The following KHDRBS2 variants were observed in gnomAD, a reference collection of about 807,000 sequenced individuals.
KHDRBS2 encodes the protein KH RNA binding domain containing, signal transduction associated 2, also known as KH domain-containing, RNA-binding, signal transduction-associated protein 2.
In KHDRBS2, 26 loss-of-function variants were observed where a neutral mutation model predicts 44.3. The observed-to-expected ratio is 0.59, with a 90% CI of 0.43 to 0.81. The LOEUF is 0.81. KHDRBS2 is among the 40% of genes least tolerant of loss of function. The probability of loss-of-function intolerance (pLI) is 0.00; values close to 1 mark genes in which losing one functional copy is unlikely to be tolerated. For synonymous variants in KHDRBS2, 194 were observed against 151.1 expected (o/e 1.28, Z -2.08); for missense variants, 476 against 433.1 (o/e 1.10, Z -0.88).
At chr6:62,033,826 G>A (rs1584273457) in intron 3 of KHDRBS2, among the ~76,000 whole-genome samples, 1 of 151,278 alleles carries the variant, frequency 6.6e-6, no homozygotes, top group Non-Finnish European at 1.5e-5. Flanking sequence ...AAAATTATAT[G>A]AAATATCCAT....
intron 7 of KHDRBS2, among the ~76,000 whole-genome samples, chr6:61,729,632 A>T (rs935483246): frequency 2.6e-5 from 4 of 152,146 alleles, no homozygotes; most frequent in African/African-American, 9.6e-5. Flanking sequence ...AATATTAGCC[A>T]TTCCACAATC....
intron 2 of KHDRBS2, among the ~76,000 whole-genome samples, chr6:62,074,288 T>A (rs566317953): frequency 1.7e-4 from 26 of 151,884 alleles, no homozygotes; most frequent in Non-Finnish European, 2.9e-4. Context: ...GTTAAGCCAC[T>A]ACATTTGTGG....
Position 61,952,475 on chromosome 6 carries a change from C to G in KHDRBS2, c.483+25591G>C, listed in dbSNP as rs556084300. Among the ~76,000 whole-genome samples, 3 of 152,188 alleles carry G rather than the reference C, an allele frequency of 2.0e-5. No individual in the cohort carries two copies. In the East Asian group the frequency reaches 5.8e-4, roughly 29 times the overall value. On this transcript the variant is annotated intron_variant, in intron 4 of 8. Coordinates refer to ENST00000281156, the MANE Select transcript of KHDRBS2 (RefSeq NM_152688.4). ...TCACTGAGTGCACTGAACATAAATT[C>G]AAAACTAATAAGTACCATACAGATG...
intron 2 of KHDRBS2, among the ~76,000 whole-genome samples, chr6:62,109,983 A>C (rs1324281400): frequency 6.6e-6 from 1 of 152,084 alleles, no homozygotes; most frequent in East Asian, 1.9e-4. Flanking sequence ...TATTTCTTAG[A>C]TATGAAATGA....
intron 2 of KHDRBS2, among the ~76,000 whole-genome samples, chr6:62,117,034 C>G (rs1266874418): frequency 3.9e-5 from 6 of 152,150 alleles, no homozygotes; most frequent in Non-Finnish European, 5.9e-5. Context: ...CATATCTTGG[C>G]TATTGTGAAC....
At chr6:62,117,606 T>C (rs1245002501) in intron 2 of KHDRBS2, among the ~76,000 whole-genome samples, 5 of 152,128 alleles carry the variant, frequency 3.3e-5, no homozygotes, top group Non-Finnish European at 4.4e-5. Context: ...GCTCTTTAGC[T>C]TGATGTAATC....
At chr6:62,169,878 G>T (rs1295275844) in intron 2 of KHDRBS2, among the ~76,000 whole-genome samples, 1 of 151,900 alleles carries the variant, frequency 6.6e-6, no homozygotes, top group African/African-American at 2.4e-5. Context: ...ATGTGTGGGA[G>T]CAGTAAGATT....
At chr6:61,591,966 G>A in the KHDRBS2 span, among the ~76,000 whole-genome samples, 1 of 152,062 alleles carries the variant, frequency 6.6e-6, no homozygotes, top group Admixed American at 6.6e-5. Context: ...GCAAGAGAGG[G>A]TCATGTGAGC....
chr6:62,026,313 G>A (rs1041986757), intron 3 of KHDRBS2, among the ~76,000 whole-genome samples: 5 of 151,514 alleles, frequency 3.3e-5, no homozygotes, highest in East Asian at 1.9e-4. Flanking sequence ...TAAAAAAACC[G>A]TGAGAACAGT....
At chr6:61,704,653 A>T (rs1191992866) in intron 7 of KHDRBS2, among the ~76,000 whole-genome samples, 1 of 151,860 alleles carries the variant, frequency 6.6e-6, no homozygotes, top group Admixed American at 6.6e-5. Flanking sequence ...TGAAGGATTT[A>T]AGAGGGAAGC....
At chr6:62,201,244 T>A (rs1021736303) in intron 1 of KHDRBS2, among the ~76,000 whole-genome samples, 11 of 151,754 alleles carry the variant, frequency 7.2e-5, no homozygotes, top group Non-Finnish European at 1.5e-4. Context: ...TTAAAAAAAA[T>A]TTTAGAGTAG....
intron 6 of KHDRBS2, among the ~76,000 whole-genome samples, chr6:61,744,229 A>T (rs1435167410): frequency 2.6e-5 from 4 of 152,132 alleles, no homozygotes; most frequent in Non-Finnish European, 5.9e-5. Flanking sequence ...ACTCTATTAC[A>T]CACCATAAAT....
intron 6 of KHDRBS2, among the ~76,000 whole-genome samples, chr6:61,860,851 A>AT (rs1007517564): frequency 6.6e-5 from 10 of 151,940 alleles, no homozygotes; most frequent in South Asian, 6.2e-4. Flanking sequence ...TAAAAGCATT[A>AT]TTTTTTTCTC....
At chr6:61,650,534 A>G in the KHDRBS2 span, among the ~76,000 whole-genome samples, 2 of 152,212 alleles carry the variant, frequency 1.3e-5, no homozygotes, top group East Asian at 3.9e-4. Flanking sequence ...TCAGATGGGA[A>G]AGGTCTCTCT....
At chr6:61,688,606 C>T (rs1046279545) in intron 8 of KHDRBS2, among the ~76,000 whole-genome samples, 3 of 151,830 alleles carry the variant, frequency 2.0e-5, no homozygotes, top group Non-Finnish European at 4.4e-5. Flanking sequence ...GTCTTACTCC[C>T]CCTACATTCT....
chr6:61,666,597 A>C, the KHDRBS2 span, among the ~76,000 whole-genome samples: 1 of 151,472 alleles, frequency 6.6e-6, no homozygotes, highest in East Asian at 2.0e-4. Flanking sequence ...CAGTGGAACT[A>C]TCTGACCACA....
chr6:61,722,135 G>C (rs1455482626), intron 7 of KHDRBS2, among the ~76,000 whole-genome samples: 1 of 152,148 alleles, frequency 6.6e-6, no homozygotes, highest in Non-Finnish European at 1.5e-5. Flanking sequence ...AAGCCCACTT[G>C]ATCATGGTGG....
rs190213715 is a variant in KHDRBS2, at chr6:62,228,874, C to T, written c.92-51562G>A. On this transcript the variant is annotated intron_variant, in intron 1 of 8. Transcript: ENST00000281156. ...TGGAGAACAGCAAAGAGGTGTGCCGCTCCTTCCTCTGGGATCTCTGACCTC... is the reference window on the plus strand; with the variant it reads ...TGGAGAACAGCAAAGAGGTGTGCCGTTCCTTCCTCTGGGATCTCTGACCTC... Among the ~76,000 whole-genome samples the T allele has an allele frequency of 1.9e-4, 29 of 152,308 alleles. 1 individual carries two copies. In the East Asian group the frequency reaches 5.2e-3, roughly 27 times the overall value.
At chr6:62,057,618 A>G (rs568585670) in intron 2 of KHDRBS2, among the ~76,000 whole-genome samples, 1 of 152,070 alleles carries the variant, frequency 6.6e-6, no homozygotes, top group African/African-American at 2.4e-5. Flanking sequence ...TAAATCAAAC[A>G]CTACACACCA....
Sources: allele counts gnomAD v4.1 joint callset (sites outside exome capture counted in the v4.1 genomes callset), GRCh38; gene constraint gnomAD v4.1.1; transcripts MANE v1.5; gene names NCBI Gene and HGNC (gene_info 2026-07-23, HGNC 2026-07-21).